Variants in UNC79 observed in about 807,000 individuals in gnomAD.
UNC79 encodes protein unc-79 homolog.
In UNC79, 37 loss-of-function variants were observed where a neutral mutation model predicts 283.1. That is an observed-to-expected ratio of 0.13 (90% CI 0.10 to 0.17). The LOEUF (loss-of-function observed/expected upper bound fraction) is 0.17. Ranked by LOEUF, UNC79 falls within the 10% of genes least tolerant of loss-of-function variation. The pLI is 1.00. For synonymous variants in UNC79, 1,107 were observed against 1,200.2 expected (o/e 0.92, Z 1.61); for missense variants, 2,272 against 3,211.1 (o/e 0.71, Z 7.07).
At chr14:93,400,820 A>G (rs1169616385) in intron 1 of UNC79, among the ~76,000 whole-genome samples, 2 of 152,194 alleles carry the variant, frequency 1.3e-5, no homozygotes, top group Non-Finnish European at 2.9e-5. Flanking sequence ...GAAGAAATGA[A>G]TTAGTGTTAT....
At chr14:93,666,248 A>G (rs1277369216) in intron 40 of UNC79, among the ~76,000 whole-genome samples, 1 of 152,150 alleles carries the variant, frequency 6.6e-6, no homozygotes, top group Non-Finnish European at 1.5e-5. Flanking sequence ...AAACAAGAAT[A>G]AAAATTCAAT....
intron 7 of UNC79, among the ~76,000 whole-genome samples, chr14:93,521,810 C>T (rs2060332786): frequency 6.8e-6 from 1 of 146,460 alleles, no homozygotes; most frequent in East Asian, 2.0e-4. Flanking sequence ...ACTATATTTG[C>T]CACAAGATAA....
intron 1 of UNC79, among the ~76,000 whole-genome samples, chr14:93,422,475 T>G (rs1205038103): frequency 2.0e-5 from 3 of 152,038 alleles, no homozygotes; most frequent in Non-Finnish European, 2.9e-5. Flanking sequence ...TTTCCTGAAT[T>G]CCAAAAGGAA....
At chr14:93,598,069 C>T (rs2065204560) in intron 24 of UNC79, among the ~76,000 whole-genome samples, 1 of 152,084 alleles carries the variant, frequency 6.6e-6, no homozygotes. Flanking sequence ...TCTCTGCAGC[C>T]TGAAACTCCT....
chr14:93,618,630 T>G (rs1383393997), intron 29 of UNC79, among the ~76,000 whole-genome samples: 1 of 152,222 alleles, frequency 6.6e-6, no homozygotes, highest in African/African-American at 2.4e-5. Context: ...TTTGTAAGCC[T>G]TTTCTTACGT....
intron 22 of UNC79, among the ~76,000 whole-genome samples, chr14:93,591,780 T>C (rs903883465): frequency 2.0e-5 from 3 of 152,244 alleles, no homozygotes; most frequent in Non-Finnish European, 4.4e-5. Flanking sequence ...TGGTTTACGG[T>C]ATTGCACTAA....
At chr14:93,683,909 A>C (rs1300788902) in intron 42 of UNC79, among the ~76,000 whole-genome samples, 1 of 152,052 alleles carries the variant, frequency 6.6e-6, no homozygotes, top group Non-Finnish European at 1.5e-5. Flanking sequence ...CATATCTTTA[A>C]TGTATGTGAC....
chr14:93,350,882 A>C (rs933499227), intron 1 of UNC79, among the ~76,000 whole-genome samples: 1 of 152,204 alleles, frequency 6.6e-6, no homozygotes, highest in Non-Finnish European at 1.5e-5. Context: ...TTTATCTTCA[A>C]AGTCTAAAAA....
At position 93,430,987 on chromosome 14, in the gene UNC79, C is replaced by G. The variant is rs1011613553; in HGVS notation, c.-43C>G. ...CGCTGGCGGAGCGAGGGAGCTCACA[C>G]GACACAGATTTTGGGGCAAAGCCTT... is the stretch of plus-strand genomic sequence containing the variant. On this transcript the variant is annotated 5_prime_UTR_variant, in exon 1 of 49. Coordinates refer to ENST00000555664, the Ensembl canonical transcript of UNC79. The surrounding 1 kb of genome is among the most constrained non-coding windows in gnomAD (Gnocchi z 4.6). 3.6e-5 allele frequency: 25 copies of G among 701,284 alleles called. No individual in the cohort carries two copies. The highest frequency in any genetic ancestry group is 6.5e-5 in the Non-Finnish European group (25 of 384,348). The allele number at this position is 701,284 out of a possible 1,614,324, so 43.4% of individuals were successfully genotyped here.
chr14:93,334,837 A>C (rs1441177213), intron 1 of UNC79: 1 of 152,172 alleles, frequency 6.6e-6, no homozygotes, highest in Non-Finnish European at 1.5e-5. Context: ...TCCCACGTAT[A>C]TAGTATATGG....
chr14:93,409,656 A>G lies in UNC79; in HGVS notation c.-350-58015A>G, dbSNP rs1203573775. Among the ~76,000 whole-genome samples, 4 of 152,284 alleles carry G rather than the reference A, an allele frequency of 2.6e-5. No homozygotes were observed. The East Asian group carries it at 7.7e-4, about 29-fold the overall frequency. On this transcript the variant is annotated intron_variant, in intron 1 of 49. Coordinates refer to the UNC79 transcript ENST00000256339. ...TGAAGTATGATAGCACCACTGCACT[A>G]CAGCCTGGGTGACAGAGCAAGACCC...
intron 3 of UNC79, among the ~76,000 whole-genome samples, chr14:93,476,325 A>G (rs949406048): frequency 6.6e-6 from 1 of 152,186 alleles, no homozygotes; most frequent in African/African-American, 2.4e-5. Flanking sequence ...CAGTTTCCTT[A>G]TATGAAAAAT....
chr14:93,628,384 C>T (rs1218809547), intron 30 of UNC79, among the ~76,000 whole-genome samples: 2 of 152,208 alleles, frequency 1.3e-5, no homozygotes, highest in African/African-American at 2.4e-5. Flanking sequence ...GGCTCATTCT[C>T]TCCCTTTTAA....
At chr14:93,557,653 G>A (rs930912641) in intron 14 of UNC79, among the ~76,000 whole-genome samples, 1 of 152,110 alleles carries the variant, frequency 6.6e-6, no homozygotes, top group African/African-American at 2.4e-5. Context: ...GATGGAGAGA[G>A]AGTACCCCCA....
At chr14:93,644,263 A>G (rs2069353886) in intron 34 of UNC79, among the ~76,000 whole-genome samples, 1 of 152,232 alleles carries the variant, frequency 6.6e-6, no homozygotes, top group Non-Finnish European at 1.5e-5. Flanking sequence ...GAGGGTGTTC[A>G]TGCTAAGAAA....
At chr14:93,706,862 G>T in exon 49 of UNC79, 1 of 1,614,226 alleles carries the variant, frequency 6.2e-7, no homozygotes, top group Non-Finnish European at 8.5e-7. Flanking sequence ...CCCAGGTGGA[G>T]ATCCAGTCCT....
rs79837449 is a variant in UNC79, at chr14:93,444,769, A to G, written c.22+13718A>G. Among the ~76,000 whole-genome samples the G allele has an allele frequency of 5.9e-5, 9 of 152,254 alleles. No individual in the cohort carries two copies. In the East Asian group the frequency reaches 1.5e-3, roughly 26 times the overall value. Reference sequence around the variant, plus strand: ...TGTTTCTTCATCTATTCTTATGTCAATGGCATATGATCTTTAGTACTATCA... The same window carrying G: ...TGTTTCTTCATCTATTCTTATGTCAGTGGCATATGATCTTTAGTACTATCA... On this transcript the variant is annotated intron_variant, in intron 1 of 48. Transcript: ENST00000555664.
chr14:93,685,084 T>C (rs2074136035), intron 42 of UNC79, among the ~76,000 whole-genome samples: 1 of 152,240 alleles, frequency 6.6e-6, no homozygotes, highest in Admixed American at 6.5e-5. Context: ...CAGTGAATTT[T>C]AAGGCTTTTA....
At chr14:93,444,411 G>A (rs947523336) in intron 1 of UNC79, among the ~76,000 whole-genome samples, 1 of 151,902 alleles carries the variant, frequency 6.6e-6, no homozygotes, top group South Asian at 2.1e-4. Flanking sequence ...AATGACTTTC[G>A]AGAAGCAAGA....
Sources: allele counts gnomAD v4.1 joint callset (sites outside exome capture counted in the v4.1 genomes callset), GRCh38; gene constraint gnomAD v4.1.1; non-coding constraint Gnocchi (gnomAD v3.1); transcripts MANE v1.5; gene names NCBI Gene and HGNC (gene_info 2026-07-23, HGNC 2026-07-21).